Variants in IVD observed in about 807,000 individuals in gnomAD.
IVD encodes isovaleryl-CoA dehydrogenase, mitochondrial.
IVD carries 31 observed loss-of-function variants against 51.3 expected under a neutral mutation model. That is an observed-to-expected ratio of 0.60 (90% CI 0.45 to 0.81). IVD has a LOEUF of 0.81. Among genes scored for constraint, IVD ranks in the 40% least tolerant of loss-of-function variants. The pLI is 0.00. For synonymous variants in IVD, 205 were observed against 219.4 expected (o/e 0.93, Z 0.58); for missense variants, 475 against 552.0 (o/e 0.86, Z 1.40).
chr15:40,416,718 C>T (rs1891727066), intron 11 of IVD, among the ~76,000 whole-genome samples: 1 of 152,042 alleles, frequency 6.6e-6, no homozygotes, highest in African/African-American at 2.4e-5. Context: ...ATTTCCTCTC[C>T]ACTTCTCCAC....
intron 7 of IVD, among the ~76,000 whole-genome samples, chr15:40,432,196 G>T (rs1176536384): frequency 6.6e-6 from 1 of 152,052 alleles, no homozygotes; most frequent in Non-Finnish European, 1.5e-5. Flanking sequence ...CGCCCACCTC[G>T]GCCCCCCAAA....
rs564662514 is a variant in IVD, at chr15:40,414,847, T to C, written c.785-42T>C. 1.2e-5 allele frequency: 20 copies of C among 1,612,642 alleles called. No homozygotes were observed. In the East Asian group the frequency reaches 4.2e-4, roughly 34 times the overall value. On this transcript the variant is annotated intron_variant, in intron 7 of 11. Coordinates refer to ENST00000487418, the MANE Select transcript of IVD (RefSeq NM_002225.5). ...GTACCTTTGATAAAAGTGAGGAGGC[T>C]GTGGACAGCTCTCTCCCTCTGACCA... is the stretch of plus-strand genomic sequence containing the variant.
rs1294879778 is a variant in IVD, at chr15:40,415,427, C to A, written c.905C>A (p.Thr302Asn). 1 of 1,614,198 alleles carries A rather than the reference C, an allele frequency of 6.2e-7. No homozygotes were observed. Among genetic ancestry groups the A allele is most frequent in the South Asian group, 1.1e-5 (1 of 91,080 alleles). ...LGLMQAVLDH[T>N]IPYLHVREAF... ...CTCATGCAAGCGGTCCTGGACCACACCATTCCCTACCTGCACGTGAGGGAA... is the reference window on the plus strand; with the variant it reads ...CTCATGCAAGCGGTCCTGGACCACAACATTCCCTACCTGCACGTGAGGGAA... The change falls in exon 9 of 12, where the codon ACC becomes AAC. Residue 302 changes from threonine (T) to asparagine (N), a missense_variant. Transcript: ENST00000487418.
chr15:40,425,570 C>G (rs1015525814), downstream of IVD, among the ~76,000 whole-genome samples: 1 of 151,844 alleles, frequency 6.6e-6, no homozygotes, highest in Non-Finnish European at 1.5e-5. Context: ...GAAACAGGGT[C>G]TCACTCTGTT....
chr15:40,418,418 G>A lies in IVD; in HGVS notation c.*155G>A. The A allele has an allele frequency of 6.5e-7, 1 of 1,549,302 alleles. No individual in the cohort carries two copies. ...GGATGAGGTTGAGTTCTCCACAACA[G>A]CTCCCAAGCATCATGGGCCTCGCAG... On this transcript the variant is annotated 3_prime_UTR_variant, in exon 12 of 12. Transcript: ENST00000487418.
chr15:40,433,829 G>A (rs1413793548), intron 7 of IVD: 2 of 456,580 alleles, frequency 4.4e-6, no homozygotes, highest in Admixed American at 2.3e-5. Flanking sequence ...TCTGGACCAT[G>A]TTTAATTTCC....
intron 8 of IVD, 133 bp from the exon 9 acceptor site, chr15:40,415,268 C>T (rs866830488): frequency 1.6e-5 from 14 of 863,822 alleles, no homozygotes; most frequent in Middle Eastern, 3.2e-4. Context: ...CAGTCAGTGC[C>T]GTAACTGTGG....
chr15:40,407,532 G>T, intron 1 of IVD, 104 bp from the exon 2 acceptor site: 1 of 847,052 alleles, frequency 1.2e-6, no homozygotes, highest in South Asian at 1.3e-5. Context: ...CTCAGTTTCA[G>T]TCTGATGCTG....
At chr15:40,431,694 CAA>C (rs879745097) in intron 7 of IVD, among the ~76,000 whole-genome samples, 10 of 127,944 alleles carry the variant, frequency 7.8e-5, no homozygotes, top group African/African-American at 5.8e-5. Context: ...GACTCCATCT[CAA>C]AAAAAAAAAA....
At chr15:40,417,416 G>A (rs1380831968) in intron 11 of IVD, among the ~76,000 whole-genome samples, 1 of 150,330 alleles carries the variant, frequency 6.7e-6, no homozygotes, top group Non-Finnish European at 1.5e-5. Flanking sequence ...GCTGAGGCAG[G>A]AGAATCACTT....
downstream of IVD, among the ~76,000 whole-genome samples, chr15:40,424,768 A>G (rs1332823959): frequency 6.6e-6 from 1 of 152,234 alleles, no homozygotes; most frequent in East Asian, 1.9e-4. Flanking sequence ...ATTTGTGTAT[A>G]CGGTCCTCTC....
chr15:40,422,505 G>A (rs956009963), downstream of IVD, among the ~76,000 whole-genome samples: 8 of 146,676 alleles, frequency 5.5e-5, no homozygotes, highest in African/African-American at 1.8e-4. Context: ...GGATGGTCTC[G>A]ATCTCCCGAC....
At chr15:40,421,446 TACTCC>T, downstream of IVD, 1 of 971,426 alleles carries the variant, frequency 1.0e-6, no homozygotes, top group Non-Finnish European at 1.2e-6. Flanking sequence ...GGCTGGCTCT[TACTCC>T]ACTCCAATTT....
chr15:40,434,161 C>T (rs1595835457), intron 8 of IVD, among the ~76,000 whole-genome samples: 1 of 152,188 alleles, frequency 6.6e-6, no homozygotes, highest in South Asian at 2.1e-4. Context: ...TTAGTACCAA[C>T]CTACTGTTGC....
chr15:40,414,595 A>G (rs1891445976), intron 7 of IVD: 6 of 382,784 alleles, frequency 1.6e-5, no homozygotes, highest in Non-Finnish European at 2.5e-5. Context: ...CTTCTAGACC[A>G]ATTAACTTTT....
intron 7 of IVD, among the ~76,000 whole-genome samples, chr15:40,429,822 A>G (rs891568474): frequency 1.3e-5 from 2 of 152,262 alleles, no homozygotes; most frequent in African/African-American, 2.4e-5. Flanking sequence ...CGCAGCCTCT[A>G]GCTTCTCAGG....
chr15:40,434,832 G>A (rs1893178143), intron 8 of IVD, among the ~76,000 whole-genome samples: 1 of 152,200 alleles, frequency 6.6e-6, no homozygotes. Context: ...AGGCTCACAG[G>A]AAAGGGCAGG....
downstream of IVD, among the ~76,000 whole-genome samples, chr15:40,427,242 T>C (rs1892721698): frequency 6.6e-6 from 1 of 152,182 alleles, no homozygotes; most frequent in Non-Finnish European, 1.5e-5. Flanking sequence ...GAGACACAGC[T>C]CCAGATCCAG....
chr15:40,435,163 G>C (rs1893196075), intron 8 of IVD, among the ~76,000 whole-genome samples: 1 of 152,200 alleles, frequency 6.6e-6, no homozygotes, highest in Admixed American at 6.5e-5. Flanking sequence ...TATGAGAAAT[G>C]TGCACCACCT....
Sources: allele counts gnomAD v4.1 joint callset (sites outside exome capture counted in the v4.1 genomes callset), GRCh38; gene constraint gnomAD v4.1.1; transcripts MANE v1.5; gene names NCBI Gene and HGNC (gene_info 2026-07-23, HGNC 2026-07-21).